Variants in EMSY observed in about 807,000 individuals in gnomAD.
EMSY encodes EMSY transcriptional repressor, BRCA2 interacting, also known as BRCA2-interacting transcriptional repressor EMSY.
A neutral mutation model predicts 134.6 loss-of-function variants in EMSY; 26 were observed. The observed-to-expected ratio is 0.19, with a 90% CI of 0.14 to 0.27. EMSY has a LOEUF of 0.27. Among genes scored for constraint, EMSY ranks in the 10% least tolerant of loss-of-function variants. The pLI is 1.00. For synonymous variants in EMSY, 579 were observed against 577.8 expected (o/e 1.00, Z -0.03); for missense variants, 1,305 against 1,611.4 (o/e 0.81, Z 3.26).
chr11:76,481,855 T>C (rs1486863401), intron 8 of EMSY, among the ~76,000 whole-genome samples: 2 of 152,198 alleles, frequency 1.3e-5, no homozygotes. Context: ...CTGCCAGCTC[T>C]GAAGAGAGCA....
intron 20 of EMSY, 87 bp from the exon 22 acceptor site, chr11:76,549,865 C>CTTTTTTTTTTTT: frequency 3.0e-6 from 3 of 992,770 alleles, no homozygotes; most frequent in Non-Finnish European, 2.8e-6. Flanking sequence ...TGTCAGTTTT[C>CTTTTTTTTTTTT]TTTTTTTTTT....
At chr11:76,521,738 G>A (rs574626711) in intron 11 of EMSY, among the ~76,000 whole-genome samples, 11 of 150,958 alleles carry the variant, frequency 7.3e-5, no homozygotes, top group Non-Finnish European at 1.3e-4. Flanking sequence ...ACTCCAGCCT[G>A]GTAACAGAGT....
exon 19 of EMSY, chr11:76,544,780 A>G (rs1226847861): frequency 2.5e-6 from 4 of 1,614,202 alleles, no homozygotes; most frequent in South Asian, 1.1e-5. Flanking sequence ...CCCAGAGCCA[A>G]ATGTCGCTCC....
At chr11:76,467,979 C>CA (rs11354421) in intron 7 of EMSY, among the ~76,000 whole-genome samples, 41 of 98,406 alleles carry the variant, frequency 4.2e-4, no homozygotes, top group East Asian at 9.5e-4. Context: ...AACTCCATCT[C>CA]AAAAAAAAAA....
exon 9 of EMSY, chr11:76,496,410 C>T (rs773061957): frequency 1.8e-5 from 29 of 1,613,998 alleles, no homozygotes; most frequent in African/African-American, 2.7e-5. Flanking sequence ...CAGCAACAGC[C>T]TCAGCAGTCT....
chr11:76,493,043 G>A (rs1055992465), intron 8 of EMSY, among the ~76,000 whole-genome samples: 7 of 152,074 alleles, frequency 4.6e-5, no homozygotes, highest in African/African-American at 1.7e-4. Flanking sequence ...GCATCCGTGT[G>A]CTCTCAGGGG....
chr11:76,464,497 C>T (rs935487769), intron 7 of EMSY, among the ~76,000 whole-genome samples: 8 of 152,118 alleles, frequency 5.3e-5, no homozygotes, highest in Admixed American at 4.6e-4. Context: ...AAGTGAATAA[C>T]TTTTGTTATC....
At chr11:76,486,253 G>A (rs548839032) in intron 8 of EMSY, among the ~76,000 whole-genome samples, 8 of 152,208 alleles carry the variant, frequency 5.3e-5, no homozygotes, top group South Asian at 4.2e-4. Context: ...GCCTGTTGGC[G>A]GGTGGGGGGC....
intron 7 of EMSY, among the ~76,000 whole-genome samples, chr11:76,466,028 A>G (rs1948337324): frequency 6.6e-6 from 1 of 152,182 alleles, no homozygotes; most frequent in Admixed American, 6.5e-5. Flanking sequence ...TTGGGGGTTA[A>G]ATAGAGGGAA....
chr11:76,517,388 AAC>A (rs1449457566), intron 11 of EMSY, among the ~76,000 whole-genome samples: 1 of 152,188 alleles, frequency 6.6e-6, no homozygotes, highest in Non-Finnish European at 1.5e-5. Context: ...TACTTTAAAT[AAC>A]ACAGTTAAAA....
At chr11:76,532,907 T>C (rs1951095209) in intron 14 of EMSY, among the ~76,000 whole-genome samples, 1 of 152,164 alleles carries the variant, frequency 6.6e-6, no homozygotes, top group African/African-American at 2.4e-5. Flanking sequence ...ACATACTTAT[T>C]GCAGAACTTT....
At chr11:76,524,463 T>C (rs777367590) in intron 12 of EMSY, among the ~76,000 whole-genome samples, 43 of 152,180 alleles carry the variant, frequency 2.8e-4, no homozygotes, top group Non-Finnish European at 5.0e-4. Context: ...TTAGATTTTT[T>C]CAATGTGTGG....
At chr11:76,469,775 G>C (rs1172252853) in intron 7 of EMSY, among the ~76,000 whole-genome samples, 1 of 152,166 alleles carries the variant, frequency 6.6e-6, no homozygotes, top group African/African-American at 2.4e-5. Context: ...TTTTTAAGTG[G>C]CAGAGGCAGG....
intron 9 of EMSY, among the ~76,000 whole-genome samples, chr11:76,499,707 T>C (rs1949787662): frequency 1.3e-5 from 2 of 152,208 alleles, no homozygotes; most frequent in South Asian, 4.1e-4. Flanking sequence ...GTTTCTTTTT[T>C]CTTGCCTATT....
At chr11:76,493,929 GC>G (rs1949524818) in intron 8 of EMSY, among the ~76,000 whole-genome samples, 1 of 152,182 alleles carries the variant, frequency 6.6e-6, no homozygotes, top group Non-Finnish European at 1.5e-5. Flanking sequence ...CCTTGGGGGA[GC>G]CCAGACCTAG....
At chr11:76,551,999 G>C (rs1410451167), downstream of EMSY, 1 of 152,140 alleles carries the variant, frequency 6.6e-6, no homozygotes, top group Non-Finnish European at 1.5e-5. Flanking sequence ...TAGCATACCT[G>C]TGTCCCTTGA....
intron 6 of EMSY, among the ~76,000 whole-genome samples, chr11:76,463,439 A>G (rs918221419): frequency 6.6e-6 from 1 of 151,760 alleles, no homozygotes. Flanking sequence ...CTGGCTAACA[A>G]GGTGAAACCC....
chr11:76,446,329 A>ATATATGTG (rs1304564796), intron 1 of EMSY, among the ~76,000 whole-genome samples: 5 of 59,096 alleles, frequency 8.5e-5, no homozygotes, highest in Non-Finnish European at 1.3e-4. Context: ...GTGTGTATAT[A>ATATATGTG]TATATGTATA....
intron 9 of EMSY, among the ~76,000 whole-genome samples, chr11:76,505,771 C>T (rs921511676): frequency 2.6e-5 from 4 of 151,736 alleles, no homozygotes; most frequent in Non-Finnish European, 5.9e-5. Context: ...GCAGGAGAAT[C>T]GCGTGAACCC....
Sources: gnomAD v4.1 joint callset for allele counts (sites outside exome capture counted in the v4.1 genomes callset) on GRCh38, gnomAD v4.1.1 for gene constraint, MANE v1.5 for transcripts, NCBI Gene and HGNC (gene_info 2026-07-23, HGNC 2026-07-21) for gene names.